RARB: variants seen among roughly 807,000 people sequenced by gnomAD.
RARB encodes retinoic acid receptor beta.
RARB carries 17 observed loss-of-function variants against 51.9 expected under a neutral mutation model. The observed-to-expected ratio is 0.33, with a 90% CI of 0.22 to 0.49. The LOEUF (loss-of-function observed/expected upper bound fraction) is 0.49, where lower values mean the gene tolerates loss of function less well. Among genes scored for constraint, RARB ranks in the 20% least tolerant of loss-of-function variants. The pLI is 0.99. For missense variants in RARB, 369 were observed against 550.8 expected, an observed-to-expected ratio of 0.67 and a Z score of 3.30; for synonymous variants, 215 against 195.4, an observed-to-expected ratio of 1.10 and a Z score of -0.84.
intron 1 of RARB, among the ~76,000 whole-genome samples, chr3:24,843,814 A>T (rs958103631): frequency 6.6e-6 from 1 of 151,836 alleles, no homozygotes; most frequent in African/African-American, 2.4e-5. Flanking sequence ...AGACCATGAC[A>T]TTTCTCCTAT....
chr3:25,316,080 A>G (rs951692117), intron 5 of RARB, among the ~76,000 whole-genome samples: 17 of 152,320 alleles, frequency 1.1e-4, no homozygotes, highest in African/African-American at 3.8e-4. Context: ...AAATATTTTT[A>G]TATTTCTAAA....
chr3:25,020,978 A>G (rs1226708585), intron 2 of RARB, among the ~76,000 whole-genome samples: 1 of 152,182 alleles, frequency 6.6e-6, no homozygotes, highest in African/African-American at 2.4e-5. Flanking sequence ...AAAATAAATA[A>G]ATAAATAAAT....
chr3:25,345,664 C>CAAAAAAAAA (rs71061207), intron 5 of RARB, among the ~76,000 whole-genome samples: 1 of 96,488 alleles, frequency 1.0e-5, no homozygotes, highest in Admixed American at 9.1e-5. Flanking sequence ...GACTCCGTCT[C>CAAAAAAAAA]AAAAAAAAAA....
intron 5 of RARB, among the ~76,000 whole-genome samples, chr3:25,309,647 A>G (rs1048352984): frequency 6.7e-6 from 1 of 150,326 alleles, no homozygotes; most frequent in South Asian, 2.1e-4. Context: ...ACAGGTGCGC[A>G]CCACCACACC....
chr3:25,151,795 T>C (rs554381308), intron 4 of RARB, among the ~76,000 whole-genome samples: 1 of 152,352 alleles, frequency 6.6e-6, no homozygotes, highest in Non-Finnish European at 1.5e-5. Context: ...AGATTGCTTT[T>C]CTGTTTAGTT....
intron 2 of RARB, among the ~76,000 whole-genome samples, chr3:24,968,215 C>A (rs1476666874): frequency 6.6e-6 from 1 of 152,074 alleles, no homozygotes; most frequent in Non-Finnish European, 1.5e-5. Context: ...AATCTAATGC[C>A]ATCTGCCACA....
intron 5 of RARB, among the ~76,000 whole-genome samples, chr3:25,310,890 T>A (rs1183999612): frequency 6.6e-6 from 1 of 152,216 alleles, no homozygotes; most frequent in Non-Finnish European, 1.5e-5. Context: ...AGAATTTGCA[T>A]GTAAATAAAT....
intron 5 of RARB, among the ~76,000 whole-genome samples, chr3:25,399,453 C>G (rs1433414480): frequency 1.3e-5 from 2 of 152,162 alleles, no homozygotes; most frequent in Non-Finnish European, 2.9e-5. Flanking sequence ...TGAACAGGAG[C>G]TGAATTGTTG....
chr3:25,467,431 C>G (rs975007931), intron 2 of RARB, among the ~76,000 whole-genome samples: 1 of 148,510 alleles, frequency 6.7e-6, no homozygotes, highest in Non-Finnish European at 1.5e-5. Flanking sequence ...CCTGTTGTTG[C>G]TCACCATTAG....
chr3:25,007,605 C>CAAAAAAAAA lies in RARB; in HGVS notation c.-379-52513_-379-52512insAAAAAAAAA, dbSNP rs1279154112. Among the ~76,000 whole-genome samples, 13 of 60,646 alleles carry CAAAAAAAAA rather than the reference C, an allele frequency of 2.1e-4. 1 individual carries two copies. Among genetic ancestry groups the CAAAAAAAAA allele is most frequent in the African/African-American group, 6.4e-4 (11 of 17,306 alleles). The allele number at this position is 60,646 out of a possible 152,430, so 39.8% of individuals were successfully genotyped here. A position where few individuals can be genotyped will look rare whatever the true frequency, so the allele number is the denominator to read the frequency against. On this transcript the variant is annotated intron_variant, in intron 2 of 11. Transcript: ENST00000383772. ...GTGAGACTGTCTCAAAAAAAAAAAA[C>CAAAAAAAAA]AAAAAAACCTCATATTTTCTGAAAG...
intron 2 of RARB, among the ~76,000 whole-genome samples, chr3:24,926,672 G>A (rs1695328651): frequency 6.6e-6 from 1 of 151,998 alleles, no homozygotes; most frequent in African/African-American, 2.4e-5. Context: ...GTAAGAATGA[G>A]GAGTTTGATT....
chr3:24,914,482 A>G lies in RARB; in HGVS notation c.-380+55730A>G, dbSNP rs368030381. Among the ~76,000 whole-genome samples, 15 of 152,240 alleles carry G rather than the reference A, an allele frequency of 9.9e-5. No individual in the cohort carries two copies. The East Asian group carries it at 2.1e-3, about 22-fold the overall frequency. ...TTGATAGATGGAACATCTTCTGCCA[A>G]TTATGTGTAAAGTACAGCCGATCTT... On this transcript the variant is annotated intron_variant, in intron 2 of 11. Coordinates refer to the RARB transcript ENST00000383772.
At chr3:25,087,007 C>G (rs1368414675) in intron 3 of RARB, among the ~76,000 whole-genome samples, 1 of 152,052 alleles carries the variant, frequency 6.6e-6, no homozygotes, top group Non-Finnish European at 1.5e-5. Flanking sequence ...TTGATTTTTC[C>G]CAACAAGAGA....
chr3:25,141,305 C>G (rs1700103209), intron 4 of RARB, among the ~76,000 whole-genome samples: 1 of 151,900 alleles, frequency 6.6e-6, no homozygotes, highest in Admixed American at 6.6e-5. Flanking sequence ...ATTCAATATA[C>G]TAGATGAATA....
intron 5 of RARB, among the ~76,000 whole-genome samples, chr3:25,186,814 C>G (rs919763162): frequency 2.0e-5 from 3 of 150,326 alleles, no homozygotes; most frequent in African/African-American, 7.4e-5. Context: ...AAAAAACATA[C>G]AAATTTGTTT....
chr3:24,839,071 A>G (rs1225406658), intron 1 of RARB, among the ~76,000 whole-genome samples: 1 of 152,096 alleles, frequency 6.6e-6, no homozygotes, highest in African/African-American at 2.4e-5. Context: ...TACATATTTG[A>G]GTAAAAAAGT....
rs139370866 is a variant in RARB at position 25,287,281 on chromosome 3, G to A, written c.178+112706G>A. On this transcript the variant is annotated intron_variant, in intron 5 of 11. Transcript: ENST00000383772. Reference sequence around the variant, plus strand: ...CTTTTTTCATCCAAAATTCATTTCTGACGTGGTTTTATTTTTCCCTTACAC... The same window carrying A: ...CTTTTTTCATCCAAAATTCATTTCTAACGTGGTTTTATTTTTCCCTTACAC... Among the ~76,000 whole-genome samples, 412 of 152,192 alleles carry A rather than the reference G, an allele frequency of 2.7e-3. 1 individual carries two copies. The highest frequency in any genetic ancestry group is 4.5e-3 in the Non-Finnish European group (308 of 68,012).
At chr3:25,258,694 A>G (rs1702926422) in intron 5 of RARB, among the ~76,000 whole-genome samples, 1 of 152,118 alleles carries the variant, frequency 6.6e-6, no homozygotes, top group African/African-American at 2.4e-5. Context: ...GAGGCTGGGA[A>G]GTCTAAGATG....
intron 5 of RARB, among the ~76,000 whole-genome samples, chr3:25,356,410 A>G (rs1396315102): frequency 6.6e-6 from 1 of 152,172 alleles, no homozygotes; most frequent in African/African-American, 2.4e-5. Flanking sequence ...ATTTTTTATA[A>G]TAGTCTATTT....
Sources: allele counts gnomAD v4.1 joint callset (sites outside exome capture counted in the v4.1 genomes callset), GRCh38; gene constraint gnomAD v4.1.1; transcripts MANE v1.5; gene names NCBI Gene and HGNC (gene_info 2026-07-23, HGNC 2026-07-21).